CACNA1A: variants seen among roughly 807,000 people sequenced by gnomAD.
CACNA1A encodes the protein voltage-dependent P/Q-type calcium channel subunit alpha-1A.
A neutral mutation model predicts 262.4 loss-of-function variants in CACNA1A; 57 were observed. The observed-to-expected ratio is 0.22, with a 90% CI of 0.18 to 0.27. CACNA1A has a LOEUF of 0.27. Among genes scored for constraint, CACNA1A ranks in the 10% least tolerant of loss-of-function variants. CACNA1A has a pLI of 1.00. For synonymous variants in CACNA1A, 1,431 were observed against 1,419.3 expected, an observed-to-expected ratio of 1.01 and a Z score of -0.18; for missense variants, 2,526 against 3,562.8, an observed-to-expected ratio of 0.71 and a Z score of 7.41.
At chr19:13,378,359 T>C (rs2059453290) in intron 3 of CACNA1A, among the ~76,000 whole-genome samples, 1 of 152,192 alleles carries the variant, frequency 6.6e-6, no homozygotes. Flanking sequence ...GACAAAGCAG[T>C]GGCAGGGTTT....
At chr19:13,327,062 A>G (rs564834295) in intron 10 of CACNA1A, among the ~76,000 whole-genome samples, 2 of 152,006 alleles carry the variant, frequency 1.3e-5, no homozygotes, top group East Asian at 3.9e-4. Context: ...CTAATATTTG[A>G]TAGAGACAGG....
rs764816582 is a variant in CACNA1A at position 13,300,573 on chromosome 19, G to T, written c.2256C>A (p.Ser752=). ...ACACAGCTATAGACATGTTGGCCGC[G>T]GACAGAGGACTCACTTCTGCCACCT... The part of the protein sequence containing the change: ...AKEVAEVSPL[S]AANMSIAVKE... The change falls in exon 18 of 47, where the codon TCC becomes TCA. Residue 752 remains serine (S), a synonymous_variant. Coordinates refer to ENST00000360228, the MANE Select transcript of CACNA1A (RefSeq NM_001127222.2). 3 of 1,613,378 alleles carry T rather than the reference G, an allele frequency of 1.9e-6. No homozygotes were observed. In the Admixed American group the frequency reaches 5.0e-5, roughly 27 times the overall value.
intron 1 of CACNA1A, among the ~76,000 whole-genome samples, chr19:13,468,541 C>G (rs1018129842): frequency 6.6e-6 from 1 of 152,180 alleles, no homozygotes. Flanking sequence ...AATCCCAGCA[C>G]TTTGGGAGGC....
intron 3 of CACNA1A, 110 bp downstream of exon 3, chr19:13,452,766 G>T: frequency 1.0e-6 from 1 of 966,048 alleles, no homozygotes; most frequent in Non-Finnish European, 1.6e-6. Context: ...AACAAGGGGA[G>T]GGAGAACACA....
At chr19:13,448,009 T>C (rs2060846302) in intron 3 of CACNA1A, among the ~76,000 whole-genome samples, 1 of 151,604 alleles carries the variant, frequency 6.6e-6, no homozygotes, top group South Asian at 2.1e-4. Context: ...ATCAAGTTGA[T>C]GCTCAATATT....
intron 1 of CACNA1A, among the ~76,000 whole-genome samples, chr19:13,472,561 T>C (rs1189513788): frequency 6.6e-6 from 1 of 152,146 alleles, no homozygotes; most frequent in Non-Finnish European, 1.5e-5. Flanking sequence ...ATTTTTAACA[T>C]GATGAACTTG....
At chr19:13,349,862 A>C (rs2058874758) in intron 6 of CACNA1A, among the ~76,000 whole-genome samples, 1 of 152,202 alleles carries the variant, frequency 6.6e-6, no homozygotes, top group South Asian at 2.1e-4. Flanking sequence ...ACAGGGTGGC[A>C]CAGAGGAAGT....
At chr19:13,277,295 C>T (rs957437203) in intron 22 of CACNA1A, 167 bp from the exon 23 acceptor site, 27 of 561,056 alleles carry the variant, frequency 4.8e-5, no homozygotes, top group Non-Finnish European at 7.8e-5. Context: ...CCCCTCCCAT[C>T]TCTTTTCATA....
intron 1 of CACNA1A, among the ~76,000 whole-genome samples, chr19:13,467,084 G>A (rs2061258281): frequency 1.3e-5 from 2 of 152,032 alleles, no homozygotes; most frequent in African/African-American, 2.4e-5. Flanking sequence ...AAGGGAATGA[G>A]CCCTGTTTCT....
chr19:13,429,201 CACA>C (rs1568635585), intron 3 of CACNA1A, among the ~76,000 whole-genome samples: 1 of 150,406 alleles, frequency 6.6e-6, no homozygotes, highest in East Asian at 1.9e-4. Context: ...CACACACACA[CACA>C]CACCCCTCTT....
At chr19:13,298,434 C>A (rs1200529346) in intron 19 of CACNA1A, 110 bp downstream of exon 19, 7 of 1,105,432 alleles carry the variant, frequency 6.3e-6, no homozygotes, top group Non-Finnish European at 8.9e-6. Context: ...TGGCCAAATA[C>A]AGCATTTTAT....
intron 11 of CACNA1A, chr19:13,316,777 TTCTA>T (rs1275449826): frequency 5.6e-5 from 12 of 213,952 alleles, no homozygotes; most frequent in African/African-American, 1.6e-4. Flanking sequence ...ATGTTTCTGT[TTCTA>T]TCTGTCTATC....
In CACNA1A at chr19:13,241,847, T is replaced by C. The variant is rs1437407496; in HGVS notation, c.4950+3335A>G. On this transcript the variant is annotated intron_variant, in intron 31 of 46. Coordinates refer to ENST00000360228, the MANE Select transcript of CACNA1A (RefSeq NM_001127222.2). This position sits in a 1 kb window ranked among gnomAD's most constrained non-coding sequence, Gnocchi z 4.0. ...AGACAAGAAACACAGTCATTATCCA[T>C]TGCACACAGGGCAAACCCACATCAC... Among the ~76,000 whole-genome samples the C allele has an allele frequency of 1.3e-5, 2 of 152,168 alleles. No individual in the cohort carries two copies. The highest frequency in any genetic ancestry group is 2.9e-5 in the Non-Finnish European group (2 of 68,016).
intron 3 of CACNA1A, among the ~76,000 whole-genome samples, chr19:13,448,333 G>A (rs553545322): frequency 1.1e-4 from 16 of 152,200 alleles, no homozygotes; most frequent in Middle Eastern, 3.4e-3. Context: ...TGAACAACAC[G>A]CACTGGGGCC....
At chr19:13,370,186 C>T (rs1156842447) in intron 4 of CACNA1A, among the ~76,000 whole-genome samples, 1 of 150,466 alleles carries the variant, frequency 6.6e-6, no homozygotes, top group Non-Finnish European at 1.5e-5. Context: ...CTGCAACCTC[C>T]GCCCCCCGGG....
intron 22 of CACNA1A, among the ~76,000 whole-genome samples, chr19:13,278,274 C>T (rs2057199800): frequency 6.6e-6 from 1 of 152,124 alleles, no homozygotes; most frequent in Middle Eastern, 3.2e-3. Flanking sequence ...CAAGCCCCTG[C>T]ACGATCTGAC....
intron 1 of CACNA1A, among the ~76,000 whole-genome samples, chr19:13,463,473 G>C (rs1288695082): frequency 6.6e-6 from 1 of 152,116 alleles, no homozygotes; most frequent in Non-Finnish European, 1.5e-5. Context: ...TGCTAACAAG[G>C]GCAACCCTAG....
In CACNA1A at chr19:13,236,735, C is replaced by G. The variant is rs1279222528; in HGVS notation, c.4951-1005G>C. 6.6e-6 allele frequency: 1 copy of G among 152,356 alleles called. No homozygotes were observed. The highest frequency in any genetic ancestry group is 6.6e-5 in the Admixed American group (1 of 15,260). 9.4% of individuals were successfully genotyped at this position (152,356 alleles called of 1,614,324 possible). Reference sequence around the variant, plus strand: ...GGTGGGGCCATCCCTGCCCCCAGGACCTCCCTGGGTGGCCACTGCCTCTGC... The same window carrying G: ...GGTGGGGCCATCCCTGCCCCCAGGAGCTCCCTGGGTGGCCACTGCCTCTGC... On this transcript the variant is annotated intron_variant, in intron 31 of 46. Coordinates refer to ENST00000360228, the MANE Select transcript of CACNA1A (RefSeq NM_001127222.2). The surrounding 1 kb of genome is among the most constrained non-coding windows in gnomAD (Gnocchi z 4.6).
intron 38 of CACNA1A, among the ~76,000 whole-genome samples, chr19:13,216,259 C>T (rs2055007676): frequency 6.6e-6 from 1 of 152,146 alleles, no homozygotes; most frequent in Non-Finnish European, 1.5e-5. Flanking sequence ...GTTGGCAGGG[C>T]CATGTGATGA....
Sources: gnomAD v4.1 joint callset for allele counts (sites outside exome capture counted in the v4.1 genomes callset) on GRCh38, gnomAD v4.1.1 for gene constraint, Gnocchi (gnomAD v3.1) non-coding constraint, MANE v1.5 for transcripts, NCBI Gene and HGNC (gene_info 2026-07-23, HGNC 2026-07-21) for gene names.